Variants in UST observed in about 807,000 individuals in gnomAD.
UST encodes the protein chondroitin sulfate 2-O-sulfotransferase.
A neutral mutation model predicts 45.6 loss-of-function variants in UST; 21 were observed. The observed-to-expected ratio is 0.46, with a 90% confidence interval of 0.33 to 0.66. The LOEUF (loss-of-function observed/expected upper bound fraction) is 0.66. Ranked by LOEUF, UST falls within the 30% of genes least tolerant of loss-of-function variation. UST has a pLI of 0.02. For missense variants in UST, 463 were observed against 512.4 expected, an observed-to-expected ratio of 0.90 and a Z score of 0.93; for synonymous variants, 215 against 200.6, an observed-to-expected ratio of 1.07 and a Z score of -0.61.
chr6:149,036,597 G>A (rs1776242699), intron 7 of UST, among the ~76,000 whole-genome samples: 1 of 152,214 alleles, frequency 6.6e-6, no homozygotes, highest in East Asian at 1.9e-4. Context: ...AGATTCTGCT[G>A]CCAGCTTTGT....
chr6:148,942,086 G>A (rs543823061), intron 3 of UST, among the ~76,000 whole-genome samples: 29 of 152,296 alleles, frequency 1.9e-4, no homozygotes, highest in African/African-American at 5.8e-4. Flanking sequence ...AACAGTCTCT[G>A]TGGGGGTGCT....
chr6:149,039,625 G>A (rs907063196), intron 7 of UST, among the ~76,000 whole-genome samples: 3 of 152,208 alleles, frequency 2.0e-5, no homozygotes, highest in Non-Finnish European at 4.4e-5. Flanking sequence ...GCTGGTGCAA[G>A]GCAGAGTCTG....
intron 2 of UST, among the ~76,000 whole-genome samples, chr6:148,935,931 C>T (rs971655655): frequency 6.6e-6 from 1 of 152,168 alleles, no homozygotes; most frequent in East Asian, 1.9e-4. Context: ...GCTGATGATA[C>T]TGGTTGTGAT....
chr6:149,005,551 A>T, intron 5 of UST: 1 of 985,398 alleles, frequency 1.0e-6, no homozygotes, highest in Non-Finnish European at 1.2e-6. Context: ...CATTCCTTCC[A>T]CAAGCTTTTA....
chr6:148,792,129 C>T (rs1335654344), intron 1 of UST, among the ~76,000 whole-genome samples: 2 of 152,216 alleles, frequency 1.3e-5, no homozygotes, highest in Admixed American at 6.5e-5. Flanking sequence ...ATGTCTCTCT[C>T]TGCTTCTTTC....
At chr6:149,003,733 G>A (rs939815458) in intron 5 of UST, among the ~76,000 whole-genome samples, 4 of 152,292 alleles carry the variant, frequency 2.6e-5, no homozygotes, top group East Asian at 1.9e-4. Flanking sequence ...AAAATTCTGC[G>A]TATTTGGCAG....
intron 7 of UST, among the ~76,000 whole-genome samples, chr6:149,032,813 T>C (rs1452942433): frequency 6.6e-6 from 1 of 152,210 alleles, no homozygotes. Flanking sequence ...TCATGATTCA[T>C]TTCCCCAGGC....
intron 2 of UST, among the ~76,000 whole-genome samples, chr6:148,916,213 G>A (rs9377175): frequency 0.36 from 55,034 of 151,998 alleles, 10,344 homozygotes; most frequent in South Asian, 0.57. Flanking sequence ...TAATATTGGC[G>A]TTATTACTAG....
chr6:148,969,371 A>T (rs1780868071), intron 5 of UST, among the ~76,000 whole-genome samples: 1 of 152,212 alleles, frequency 6.6e-6, no homozygotes, highest in African/African-American at 2.4e-5. Flanking sequence ...ACTAGTTCAA[A>T]TTTAGCTTCC....
chr6:149,062,226 C>T (rs1776665178), intron 7 of UST, among the ~76,000 whole-genome samples: 1 of 152,208 alleles, frequency 6.6e-6, no homozygotes, highest in South Asian at 2.1e-4. Flanking sequence ...CTCTCCAGAA[C>T]AACCTGTGAT....
At chr6:148,900,429 A>C (rs1181015440) in intron 2 of UST, among the ~76,000 whole-genome samples, 1 of 152,172 alleles carries the variant, frequency 6.6e-6, no homozygotes, top group Non-Finnish European at 1.5e-5. Context: ...TTCCTTTGCT[A>C]TTCTCGTGAT....
At chr6:149,018,524 G>A (rs550166117) in intron 5 of UST, among the ~76,000 whole-genome samples, 15 of 152,200 alleles carry the variant, frequency 9.9e-5, no homozygotes, top group East Asian at 5.8e-4. Flanking sequence ...CTCTGGTAAC[G>A]CCCTCAGAAA....
intron 7 of UST, among the ~76,000 whole-genome samples, chr6:149,052,366 G>A (rs1362188515): frequency 6.6e-6 from 1 of 152,150 alleles, no homozygotes; most frequent in African/African-American, 2.4e-5. Flanking sequence ...TGTGTCTCAG[G>A]AATCTTGTTA....
rs547483930 is a variant in UST at position 148,853,843 on chromosome 6, AG to A, written c.248-33139del. ...TTCTTAAAGCCATTTGTTCTTCAAC[AG>A]GGGACTCCTGTACTCCAAGTAACAC... On this transcript the variant is annotated intron_variant, in intron 1 of 7. Coordinates refer to ENST00000367463, the MANE Select transcript of UST (RefSeq NM_005715.3). Among the ~76,000 whole-genome samples the A allele has an allele frequency of 2.3e-3, 357 of 152,282 alleles. 1 individual carries two copies. The highest frequency in any genetic ancestry group is 4.4e-3 in the Non-Finnish European group (298 of 68,022).
At chr6:148,885,704 T>C (rs2114842182) in intron 1 of UST, among the ~76,000 whole-genome samples, 1 of 152,314 alleles carries the variant, frequency 6.6e-6, no homozygotes, top group South Asian at 2.1e-4. Context: ...GAAAAACCTA[T>C]AAGCCAGAAC....
intron 5 of UST, among the ~76,000 whole-genome samples, chr6:148,981,346 G>C (rs978618199): frequency 6.6e-6 from 1 of 152,140 alleles, no homozygotes; most frequent in Non-Finnish European, 1.5e-5. Context: ...GATAAAACCA[G>C]GATGCTCACC....
At chr6:148,885,313 C>G (rs1778893100) in intron 1 of UST, among the ~76,000 whole-genome samples, 1 of 152,110 alleles carries the variant, frequency 6.6e-6, no homozygotes, top group South Asian at 2.1e-4. Flanking sequence ...GATGGGAGCT[C>G]CAGGCAGCCG....
intron 7 of UST, among the ~76,000 whole-genome samples, chr6:149,052,557 T>A (rs967346236): frequency 6.6e-6 from 1 of 151,606 alleles, no homozygotes; most frequent in Non-Finnish European, 1.5e-5. Flanking sequence ...CAGGCCCAGG[T>A]GACTTGCAAC....
At chr6:148,958,833 T>G (rs548023859) in intron 4 of UST, 1 of 152,334 alleles carries the variant, frequency 6.6e-6, no homozygotes, top group South Asian at 2.1e-4. Flanking sequence ...GGGAAACCCT[T>G]AAGAAGCTTT....
Sources: allele counts gnomAD v4.1 joint callset (sites outside exome capture counted in the v4.1 genomes callset), GRCh38; gene constraint gnomAD v4.1.1; transcripts MANE v1.5; gene names NCBI Gene and HGNC (gene_info 2026-07-23, HGNC 2026-07-21).